The following DLX4 variants were observed in gnomAD, a reference collection of about 807,000 sequenced individuals.
The protein encoded by DLX4 is distal-less homeobox 4.
A neutral mutation model predicts 17.1 loss-of-function variants in DLX4; 13 were observed. That is an observed-to-expected ratio of 0.76 (90% CI 0.49 to 1.21). The LOEUF is 1.21. Ranked by LOEUF, DLX4 falls within the 50% of genes most tolerant of loss-of-function variation. The pLI is 0.00. For missense variants in DLX4, 297 were observed against 301.4 expected, an observed-to-expected ratio of 0.99 and a Z score of 0.11; for synonymous variants, 129 against 140.3, an observed-to-expected ratio of 0.92 and a Z score of 0.57.
At position 49,973,064 on chromosome 17, in the gene DLX4, G is replaced by C. The variant is rs1437423668; in HGVS notation, c.284-9G>C. ...CTCGCCCCCTACACCGTGTTGTGCT[G>C]CCCACCAGACTCGGAGAAGCCGCGG... On this transcript the variant is annotated splice_polypyrimidine_tract_variant and intron_variant, in intron 1 of 2. Transcript: ENST00000240306. 3 of 1,613,792 alleles carry C rather than the reference G, an allele frequency of 1.9e-6. No homozygotes were observed. Among genetic ancestry groups the C allele is most frequent in the African/African-American group, 2.7e-5 (2 of 74,910 alleles).
chr17:49,973,655 A>G (rs139360383), intron 2 of DLX4, 46 bp from the exon 3 acceptor site: 158 of 1,495,860 alleles, frequency 1.1e-4, no homozygotes, highest in Middle Eastern at 1.8e-4. Flanking sequence ...CTTTTCACAC[A>G]TATCTTCCTC....
chr17:49,973,410 C>A (rs1905597329), intron 2 of DLX4, 141 bp downstream of exon 2: 3 of 1,306,434 alleles, frequency 2.3e-6, no homozygotes, highest in African/African-American at 1.5e-5. Context: ...TCATAGCTGG[C>A]TCTTAGTAAG....
intron 1 of DLX4, among the ~76,000 whole-genome samples, chr17:49,971,704 C>G (rs1390464564): frequency 6.6e-6 from 1 of 152,028 alleles, no homozygotes; most frequent in African/African-American, 2.4e-5. Context: ...GGCTGCCAGC[C>G]CAGAGCTGCC....
Position 49,974,071 on chromosome 17 carries a change from T to C in DLX4, c.*128T>C, listed in dbSNP as rs1905630792. 1.5e-6 allele frequency: 2 copies of C among 1,293,760 alleles called. No individual in the cohort carries two copies. The highest frequency in any genetic ancestry group is 1.5e-5 in the African/African-American group (1 of 65,314). 80.1% of individuals were successfully genotyped at this position (1,293,760 alleles called of 1,614,324 possible). ...GGGTTTTCTCTGGAGGACAAGCAGT[T>C]AGAGGAGAAAAAGGAATGGAGCAGA... On this transcript the variant is annotated 3_prime_UTR_variant, in exon 3 of 3. Coordinates refer to ENST00000240306, the MANE Select transcript of DLX4 (RefSeq NM_138281.3).
chr17:49,973,586 G>A, intron 2 of DLX4, 115 bp from the exon 3 acceptor site: 1 of 1,332,022 alleles, frequency 7.5e-7, no homozygotes, highest in Non-Finnish European at 1.0e-6. Flanking sequence ...TCCCAGCCTA[G>A]GGAACTGCTG....
chr17:49,974,116 A>C lies in DLX4; in HGVS notation c.*173A>C. The C allele has an allele frequency of 1.3e-6, 1 of 784,770 alleles. No homozygotes were observed. The highest frequency in any genetic ancestry group is 1.8e-6 in the Non-Finnish European group (1 of 544,222). 48.6% of individuals were successfully genotyped at this position (784,770 alleles called of 1,614,324 possible). ...AGCAGAGCCTGTACCCCTAACCCTA[A>C]CAGCTAAATCAAGGACCTCAGCCTT... On this transcript the variant is annotated 3_prime_UTR_variant, in exon 3 of 3. Coordinates refer to ENST00000240306, the MANE Select transcript of DLX4 (RefSeq NM_138281.3).
At chr17:49,970,013 AC>A (rs956489090) in intron 1 of DLX4, among the ~76,000 whole-genome samples, 9 of 151,732 alleles carry the variant, frequency 5.9e-5, no homozygotes, top group African/African-American at 1.9e-4. Context: ...GGCCCCCCCA[AC>A]CCCCCACCTG....
At chr17:49,971,385 T>G (rs1469734333) in intron 1 of DLX4, among the ~76,000 whole-genome samples, 1 of 152,116 alleles carries the variant, frequency 6.6e-6, no homozygotes, top group Non-Finnish European at 1.5e-5. Context: ...TTCCACTCTA[T>G]GTCCACTCCT....
At position 49,969,525 on chromosome 17, in the gene DLX4, A is replaced by G; in HGVS notation, c.57A>G (p.Pro19=). 12 of 1,611,806 alleles carry G rather than the reference A, an allele frequency of 7.4e-6. No homozygotes were observed. The highest frequency in any genetic ancestry group is 1.0e-5 in the Non-Finnish European group (12 of 1,179,600). ...GGGACGCCTCCAAAGCTGTCTTCCC[A>G]GACCTCGCCCCTGTCCCGTCGGTAG... ...PGRDASKAVF[P]DLAPVPSVAA... The change falls in exon 1 of 3, where the codon CCA becomes CCG. Residue 19 remains proline (P), a synonymous_variant. Coordinates refer to ENST00000240306, the MANE Select transcript of DLX4 (RefSeq NM_138281.3).
chr17:49,973,167 C>T lies in DLX4; in HGVS notation c.378C>T (p.Ser126=). The change falls in exon 2 of 3, where the codon AGC becomes AGT. Residue 126 remains serine (S), a synonymous_variant. Transcript: ENST00000240306. ...GCAAGCCGAGGACCATCTACTCCAGCCTGCAGCTGCAGCACCTAAACCAGC... is the reference window on the plus strand; with the variant it reads ...GCAAGCCGAGGACCATCTACTCCAGTCTGCAGCTGCAGCACCTAAACCAGC... The part of the protein sequence containing the change: ...KLRKPRTIYS[S]LQLQHLNQRF... The T allele has an allele frequency of 6.2e-7, 1 of 1,614,226 alleles. No homozygotes were observed. The highest frequency in any genetic ancestry group is 1.3e-5 in the African/African-American group (1 of 75,070).
rs780325040 is a variant in DLX4 at position 49,969,696 on chromosome 17, G to A, written c.228G>A (p.Ala76=). 9 of 1,603,728 alleles carry A rather than the reference G, an allele frequency of 5.6e-6. No individual in the cohort carries two copies. The highest frequency in any genetic ancestry group is 1.7e-5 in the Admixed American group (1 of 59,978). ...CCTACCTGTCCTGCCAGCAACCCGC[G>A]GCGCTCTCTCAGCCCCTCTGCGGAC... The part of the protein sequence containing the change: ...GDSYLSCQQP[A]ALSQPLCGPA... Residue 76 remains alanine (A), a synonymous_variant, in exon 1 of 3, where the codon GCG becomes GCA. Transcript: ENST00000240306.
rs767013351 is a variant in DLX4, at chr17:49,969,732, C to T, written c.264C>T (p.His88=). The T allele has an allele frequency of 6.3e-7, 1 of 1,596,770 alleles. No individual in the cohort carries two copies. The highest frequency in any genetic ancestry group is 1.3e-5 in the African/African-American group (1 of 74,762). ...AGCCCCTCTGCGGACCTGCAGAGCA[C>T]CCTCAGGAACTCGAGGCAGGTAAGT... is the stretch of plus-strand genomic sequence containing the variant. ...LSQPLCGPAE[H]PQELEADSEK... Residue 88 remains histidine, a synonymous_variant, in exon 1 of 3, where the codon CAC becomes CAT. Transcript: ENST00000240306.
At chr17:49,969,035 C>T (rs555004339), upstream of DLX4, 1 of 166,696 alleles carries the variant, frequency 6.0e-6, no homozygotes, top group Non-Finnish European at 1.3e-5. Flanking sequence ...GGAGGAGACC[C>T]CGAGGTAGAC....
rs770398615 is a variant in DLX4 at position 49,972,595 on chromosome 17, G to A, written c.284-478G>A. On this transcript the variant is annotated intron_variant, in intron 1 of 2. Coordinates refer to ENST00000240306, the MANE Select transcript of DLX4 (RefSeq NM_138281.3). This position sits in a 1 kb window ranked among gnomAD's most constrained non-coding sequence, Gnocchi z 5.4. ...CTCACCCACCCCGCTGGCCGCAGCC[G>A]GAGGCTGCCACGCGGACACCGTCTC... The A allele has an allele frequency of 1.7e-5, 8 of 480,220 alleles. No individual in the cohort carries two copies. The highest frequency in any genetic ancestry group is 2.2e-5 in the Non-Finnish European group (8 of 359,422). 29.7% of individuals were successfully genotyped at this position (480,220 alleles called of 1,614,324 possible). A position where few individuals can be genotyped will look rare whatever the true frequency, so the allele number is the denominator to read the frequency against.
In DLX4 at chr17:49,973,193, G is replaced by C. The variant is rs151318731; in HGVS notation, c.404G>C (p.Arg135Pro). The C allele has an allele frequency of 4.1e-3, 6,640 of 1,614,134 alleles. 15 individuals are homozygous for C. The highest frequency in any genetic ancestry group is 5.2e-3 in the Non-Finnish European group (6,154 of 1,180,024). ...CTGCAGCTGCAGCACCTAAACCAGC[G>C]TTTCCAGCACACGCAGTACCTGGCG... The part of the protein sequence containing the change: ...SSLQLQHLNQ[R>P]FQHTQYLALP... Residue 135 changes from arginine (R) to proline (P), a missense_variant, in exon 2 of 3, where the codon CGT (arginine) becomes CCT (proline). Physicochemically the swap from Arg to Pro is moderately radical, Grantham distance 103. Transcript: ENST00000240306.
chr17:49,973,255 C>A lies in DLX4; in HGVS notation c.466C>A (p.Leu156Ile). The stretch of plus-strand genomic sequence containing the variant: ...GGCCCAGCTGGCAGCGCAGCTCGGC[C>A]TCACCCAGACCCAGGTGGGGCCAGT... ...ERAQLAAQLG[L>I]TQTQVKIWFQ... Residue 156 changes from leucine (L) to isoleucine (I), a missense_variant, in exon 2 of 3, where the codon CTC becomes ATC. Coordinates refer to ENST00000240306, the MANE Select transcript of DLX4 (RefSeq NM_138281.3). The A allele has an allele frequency of 6.2e-7, 1 of 1,613,942 alleles. No homozygotes were observed.
Position 49,972,778 on chromosome 17 carries a change from C to T in DLX4, c.284-295C>T. 1 of 1,387,924 alleles carries T rather than the reference C, an allele frequency of 7.2e-7. No homozygotes were observed. Among genetic ancestry groups the T allele is most frequent in the Non-Finnish European group, 9.3e-7 (1 of 1,077,118 alleles). 86.0% of individuals were successfully genotyped at this position (1,387,924 alleles called of 1,614,324 possible). A position where few individuals can be genotyped will look rare whatever the true frequency, so the allele number is the denominator to read the frequency against. On this transcript the variant is annotated intron_variant, in intron 1 of 2. Coordinates refer to ENST00000240306, the MANE Select transcript of DLX4 (RefSeq NM_138281.3). This position sits in a 1 kb window ranked among gnomAD's most constrained non-coding sequence, Gnocchi z 5.4. ...CTCCGACCTCCCACCGCAGGCGCCG[C>T]GGTACCCTGGCTGTGGCCCTCGGCG...
At position 49,969,615 on chromosome 17, in the gene DLX4, G is replaced by A. The variant is rs762502839; in HGVS notation, c.147G>A (p.Arg49=). 1.9e-6 allele frequency: 3 copies of A among 1,613,226 alleles called. No individual in the cohort carries two copies. Among genetic ancestry groups the A allele is most frequent in the Non-Finnish European group, 2.5e-6 (3 of 1,179,964 alleles). The change falls in exon 1 of 3, where the codon AGG becomes AGA. Residue 49 remains arginine (R), a synonymous_variant. Coordinates refer to ENST00000240306, the MANE Select transcript of DLX4 (RefSeq NM_138281.3). ...CCTCCCCCAATTTGTCCTACTCCAG[G>A]CCGTATGGCCACCTCCTGTCTTACC... ...TAASPNLSYS[R]PYGHLLSYPY... is the part of the protein sequence containing the mutation.
At chr17:49,971,134 CATG>C (rs1471295378) in intron 1 of DLX4, among the ~76,000 whole-genome samples, 1 of 152,140 alleles carries the variant, frequency 6.6e-6, no homozygotes, top group East Asian at 1.9e-4. Flanking sequence ...GTGGGAATAT[CATG>C]ACCTTGTCCT....
Sources: gnomAD v4.1 joint callset for allele counts (sites outside exome capture counted in the v4.1 genomes callset) on GRCh38, gnomAD v4.1.1 for gene constraint, Gnocchi (gnomAD v3.1) non-coding constraint, MANE v1.5 for transcripts, NCBI Gene and HGNC (gene_info 2026-07-23, HGNC 2026-07-21) for gene names.